SLC13A5: variants seen among roughly 807,000 people sequenced by gnomAD.
SLC13A5 encodes the protein solute carrier family 13 member 5.
SLC13A5 carries 25 observed loss-of-function variants against 56.5 expected under a neutral mutation model. The observed-to-expected ratio is 0.44, with a 90% CI of 0.32 to 0.62. The LOEUF (loss-of-function observed/expected upper bound fraction) is 0.62. Among genes scored for constraint, SLC13A5 ranks in the 20% least tolerant of loss-of-function variants. The probability of loss-of-function intolerance (pLI) is 0.04; values close to 1 mark genes in which losing one functional copy is unlikely to be tolerated. For missense variants in SLC13A5, 649 were observed against 737.8 expected (o/e 0.88, Z 1.39); for synonymous variants, 307 against 301.5 (o/e 1.02, Z -0.19).
chr17:6,700,992 GCTCAAA>G lies in SLC13A5; in HGVS notation c.839+6_839+11del. On this transcript the variant is annotated splice_donor_region_variant and intron_variant, in intron 6 of 11. Transcript: ENST00000433363. ...ATTAGGCATAATTAGGCTGTGAGCA[GCTCAAA>G]CTTACTTGAATCTCATGTAAACAAA... 1 of 1,613,976 alleles carries G rather than the reference GCTCAAA, an allele frequency of 6.2e-7. No homozygotes were observed. Among genetic ancestry groups the G allele is most frequent in the Non-Finnish European group, 8.5e-7 (1 of 1,180,000 alleles).
Position 6,704,011 on chromosome 17 carries a change from C to G in SLC13A5, c.414G>C (p.Trp138Cys). The stretch of plus-strand genomic sequence containing the variant: ...TGGCCGTGGTTGCCGTGTTACTGAT[C>G]CACATGGACAGGAGGGCTGTGACGC... ...FMGVTALLSMWISNTATTAMM... is the reference protein window; with the variant it reads ...FMGVTALLSMCISNTATTAMM... Residue 138 changes from tryptophan to cysteine, a missense_variant, in exon 4 of 12, where the codon TGG becomes TGC. Physicochemically the swap from Trp to Cys is radical, Grantham distance 215. Transcript: ENST00000433363. 2 of 1,613,326 alleles carry G rather than the reference C, an allele frequency of 1.2e-6. No individual in the cohort carries two copies. The highest frequency in any genetic ancestry group is 1.7e-6 in the Non-Finnish European group (2 of 1,179,644).
intron 9 of SLC13A5, 89 bp from the exon 10 acceptor site, chr17:6,691,029 C>G (rs142250905): frequency 1.4e-6 from 2 of 1,434,316 alleles, no homozygotes; most frequent in Non-Finnish European, 1.9e-6. Context: ...CCTCCCCTCC[C>G]GACCCTCTCT....
In SLC13A5 at chr17:6,706,763, T is replaced by C. The variant is rs1172076015; in HGVS notation, c.247A>G (p.Met83Val). ...LDSRQVCVQY[M>V]KDTNMLFLGG... is the part of the protein sequence containing the mutation. ...AGGAACAGCATGTTGGTGTCCTTCA[T>C]GTACTGGACACACACCTGGAGCGTG... Residue 83 changes from methionine (M) to valine (V), a missense_variant, in exon 3 of 12, where the codon ATG (methionine) becomes GTG (valine). Physicochemically the swap from Met to Val is conservative, Grantham distance 21. Coordinates refer to ENST00000433363, the MANE Select transcript of SLC13A5 (RefSeq NM_177550.5). The C allele has an allele frequency of 2.5e-6, 4 of 1,613,954 alleles. No homozygotes were observed. Among genetic ancestry groups the C allele is most frequent in the East Asian group, 4.5e-5 (2 of 44,888 alleles).
In SLC13A5 at chr17:6,687,721, A is replaced by C. The variant is rs1973288834; in HGVS notation, c.1438-55T>G. 1 of 1,499,116 alleles carries C rather than the reference A, an allele frequency of 6.7e-7. No individual in the cohort carries two copies. Among genetic ancestry groups the C allele is most frequent in the Middle Eastern group, 2.0e-4 (1 of 4,938 alleles). The allele number at this position is 1,499,116 out of a possible 1,614,324, so 92.9% of individuals were successfully genotyped here. On this transcript the variant is annotated intron_variant, in intron 10 of 11. Coordinates refer to ENST00000433363, the MANE Select transcript of SLC13A5 (RefSeq NM_177550.5). The surrounding 1 kb of genome is among the most constrained non-coding windows in gnomAD (Gnocchi z 5.0). ...GTACAGAACACAGAAGCTCTTGGGG[A>C]CGTGATTCTGAAAAGGATTCTCTGA...
At chr17:6,686,558 T>C in intron 11 of SLC13A5, 1 of 540,698 alleles carries the variant, frequency 1.8e-6, no homozygotes, top group Non-Finnish European at 3.3e-6. Flanking sequence ...GGGTTCTCTA[T>C]GCCCGTGCGC....
At chr17:6,694,606 G>A (rs1232915023) in intron 7 of SLC13A5, among the ~76,000 whole-genome samples, 31 of 152,038 alleles carry the variant, frequency 2.0e-4, no homozygotes, top group Admixed American at 2.0e-3. Flanking sequence ...GTGAGACTCT[G>A]TCTCAAAAAA....
At position 6,687,701 on chromosome 17, in the gene SLC13A5, GA is replaced by G; in HGVS notation, c.1438-36del. On this transcript the variant is annotated intron_variant, in intron 10 of 11. Coordinates refer to ENST00000433363, the MANE Select transcript of SLC13A5 (RefSeq NM_177550.5). This position sits in a 1 kb window ranked among gnomAD's most constrained non-coding sequence, Gnocchi z 5.0. ...AACAGCACTGCAACATCACCGTACAGAACACAGAAGCTCTTGGGGACGTGAT... is the reference window on the plus strand; with the variant it reads ...AACAGCACTGCAACATCACCGTACAGACACAGAAGCTCTTGGGGACGTGAT... The G allele has an allele frequency of 6.5e-7, 1 of 1,534,278 alleles. No individual in the cohort carries two copies. The highest frequency in any genetic ancestry group is 8.7e-7 in the Non-Finnish European group (1 of 1,143,256).
chr17:6,711,661 TTGTG>T lies in SLC13A5; in HGVS notation c.102+1567_102+1570del, dbSNP rs1040706811. Among the ~76,000 whole-genome samples, 3 of 149,788 alleles carry T rather than the reference TTGTG, an allele frequency of 2.0e-5. No individual in the cohort carries two copies. The highest frequency in any genetic ancestry group is 2.1e-4 in the South Asian group (1 of 4,692). The stretch of plus-strand genomic sequence containing the variant: ...GTGTGTTTTGTGTGTGTCTGTGTGT[TTGTG>T]TGTGTGTCTGTGTGTGTTTGTGAGT... On this transcript the variant is annotated intron_variant, in intron 1 of 11. Coordinates refer to ENST00000433363, the MANE Select transcript of SLC13A5 (RefSeq NM_177550.5). The surrounding 1 kb of genome is among the most constrained non-coding windows in gnomAD (Gnocchi z 4.0).
intron 3 of SLC13A5, chr17:6,704,316 T>G: frequency 1.6e-6 from 1 of 619,010 alleles, no homozygotes; most frequent in South Asian, 1.5e-5. Flanking sequence ...CTTCTGGGGT[T>G]ACCAAGAGGC....
intron 6 of SLC13A5, among the ~76,000 whole-genome samples, chr17:6,698,090 C>G (rs1029090524): frequency 2.6e-5 from 4 of 152,218 alleles, no homozygotes; most frequent in African/African-American, 9.7e-5. Context: ...TCCCACCACT[C>G]AAACCGAATG....
rs568057746 is a variant in SLC13A5 at position 6,701,198 on chromosome 17, G to A, written c.717-72C>T. The A allele has an allele frequency of 6.9e-5, 110 of 1,589,526 alleles. 1 individual carries two copies. In the African/African-American group the frequency reaches 9.5e-4, roughly 14 times the overall value. On this transcript the variant is annotated intron_variant, in intron 5 of 11. Coordinates refer to ENST00000433363, the MANE Select transcript of SLC13A5 (RefSeq NM_177550.5). This position sits in a 1 kb window ranked among gnomAD's most constrained non-coding sequence, Gnocchi z 4.1. ...CCAGCCTGGCCCTGTGCGTGGGGACGGAGCAGCAGCTGGGCCCTGAGAGGC... is the reference window on the plus strand; with the variant it reads ...CCAGCCTGGCCCTGTGCGTGGGGACAGAGCAGCAGCTGGGCCCTGAGAGGC...
At chr17:6,693,230 C>CACAT in intron 8 of SLC13A5, 68 bp from the exon 9 acceptor site, 4 of 906,062 alleles carry the variant, frequency 4.4e-6, no homozygotes, top group Middle Eastern at 2.3e-4. Context: ...CACACACACA[C>CACAT]CAGAGCAGCA....
chr17:6,712,226 TCCCCTGAAGA>T (rs1315427399), intron 1 of SLC13A5, among the ~76,000 whole-genome samples: 1 of 152,134 alleles, frequency 6.6e-6, no homozygotes, highest in East Asian at 1.9e-4. Flanking sequence ...CCCCAGAGCA[TCCCCTGAAGA>T]GCTCCTCTGT....
chr17:6,702,163 C>T (rs1406648698), intron 5 of SLC13A5, among the ~76,000 whole-genome samples: 2 of 152,214 alleles, frequency 1.3e-5, no homozygotes, highest in African/African-American at 4.8e-5. Flanking sequence ...GCCCTCCCCA[C>T]CCCTGTCCAG....
rs760733802 is a variant in SLC13A5, at chr17:6,693,035, A to T, written c.1275+9T>A. 4 of 1,610,214 alleles carry T rather than the reference A, an allele frequency of 2.5e-6. No individual in the cohort carries two copies. In the African/African-American group the frequency reaches 5.3e-5, roughly 22 times the overall value. ...AGGGCTCTGGGCAGCCTGTGGCTGG[A>T]GAAGTTACCTCGGATCCTTTAGCCA... On this transcript the variant is annotated intron_variant, in intron 9 of 11. Transcript: ENST00000433363.
In SLC13A5 at chr17:6,707,163, A is replaced by T. The variant is rs1667595942; in HGVS notation, c.103-7T>A. On this transcript the variant is annotated splice_polypyrimidine_tract_variant and splice_region_variant and intron_variant, in intron 1 of 11. Transcript: ENST00000433363. ...CGTAGGCACACCTGACAAACTGAAG[A>T]GACAGTCCTGAGGCCTCAGCGTGTT... The T allele has an allele frequency of 2.5e-6, 4 of 1,613,576 alleles. No homozygotes were observed. The highest frequency in any genetic ancestry group is 3.4e-6 in the Non-Finnish European group (4 of 1,179,890).
chr17:6,690,060 GCAAAAAAAAAAA>G (rs1973356083), intron 10 of SLC13A5: 1 of 7,912 alleles, frequency 1.3e-4, no homozygotes, highest in African/African-American at 3.6e-4. Context: ...AGAAGGAAAT[GCAAAAAAAAAAA>G]AAAAAAAAAA....
At chr17:6,706,344 C>T (rs1403051098) in intron 3 of SLC13A5, among the ~76,000 whole-genome samples, 6 of 152,152 alleles carry the variant, frequency 3.9e-5, no homozygotes, top group African/African-American at 9.7e-5. Flanking sequence ...AATTTGTTCC[C>T]GGTGGAACCC....
rs756214129 is a variant in SLC13A5, at chr17:6,701,509, A to C, written c.717-383T>G. Among the ~76,000 whole-genome samples, 28 of 152,196 alleles carry C rather than the reference A, an allele frequency of 1.8e-4. No individual in the cohort carries two copies. Among genetic ancestry groups the C allele is most frequent in the Non-Finnish European group, 3.8e-4 (26 of 68,032 alleles). On this transcript the variant is annotated intron_variant, in intron 5 of 11. Transcript: ENST00000433363. The surrounding 1 kb of genome is among the most constrained non-coding windows in gnomAD (Gnocchi z 4.1). ...GGTGGGGCACAAGGTCAGGAGCTTA[A>C]GACTGGCCTGGCCAACATGGTGAAA...
Sources: allele counts gnomAD v4.1 joint callset (sites outside exome capture counted in the v4.1 genomes callset), GRCh38; gene constraint gnomAD v4.1.1; non-coding constraint Gnocchi (gnomAD v3.1); transcripts MANE v1.5; gene names NCBI Gene and HGNC (gene_info 2026-07-23, HGNC 2026-07-21).